SLC14A2: variants seen among roughly 807,000 people sequenced by gnomAD.
SLC14A2 encodes solute carrier family 14 member 2.
A neutral mutation model predicts 104.6 loss-of-function variants in SLC14A2; 91 were observed. The observed-to-expected ratio is 0.87, with a 90% CI of 0.73 to 1.04. The LOEUF is 1.04. Ranked by LOEUF, SLC14A2 falls within the 50% of genes least tolerant of loss-of-function variation. SLC14A2 has a pLI of 0.00. For synonymous variants in SLC14A2, 476 were observed against 466.4 expected (o/e 1.02, Z -0.27); for missense variants, 1,189 against 1,156.0 (o/e 1.03, Z -0.41).
Position 45,682,635 on chromosome 18 carries a change from A to C in SLC14A2, c.*116A>C. 1 of 801,770 alleles carries C rather than the reference A, an allele frequency of 1.2e-6. No individual in the cohort carries two copies. The highest frequency in any genetic ancestry group is 2.2e-6 in the Non-Finnish European group (1 of 463,260). The allele number at this position is 801,770 out of a possible 1,614,324, so 49.7% of individuals were successfully genotyped here. On this transcript the variant is annotated 3_prime_UTR_variant, in exon 20 of 20. Coordinates refer to ENST00000255226, the MANE Select transcript of SLC14A2 (RefSeq NM_007163.4). ...GTCTGTTCTGTGACTCTCTCCCCAA[A>C]CACAAAGAAGCGTGTATGTAGTCAC...
intron 1 of SLC14A2, among the ~76,000 whole-genome samples, chr18:45,412,913 G>T (rs2086229716): frequency 6.6e-6 from 1 of 152,144 alleles, no homozygotes; most frequent in South Asian, 2.1e-4. Flanking sequence ...GCAAGAATTT[G>T]GGACAAGTGT....
intron 1 of SLC14A2, among the ~76,000 whole-genome samples, chr18:45,389,344 C>A (rs2085935465): frequency 6.6e-6 from 1 of 152,202 alleles, no homozygotes; most frequent in African/African-American, 2.4e-5. Context: ...CCATCTACAT[C>A]ATTTTTGGAG....
intron 2 of SLC14A2, among the ~76,000 whole-genome samples, chr18:45,542,063 T>G (rs745798521): frequency 0.013 from 1,782 of 140,566 alleles, 61 homozygotes; most frequent in South Asian, 0.061. Flanking sequence ...TTTTTTTTTT[T>G]TTTTTTTTTG....
intron 4 of SLC14A2, among the ~76,000 whole-genome samples, chr18:45,628,611 AT>A (rs1273330857): frequency 6.6e-6 from 1 of 152,088 alleles, no homozygotes. Context: ...ATTATCCCCT[AT>A]CTTAGTGTTT....
At chr18:45,523,885 C>T (rs1205789455) in intron 2 of SLC14A2, among the ~76,000 whole-genome samples, 1 of 152,174 alleles carries the variant, frequency 6.6e-6, no homozygotes, top group South Asian at 2.1e-4. Context: ...CTGTTTAACC[C>T]TCACATCTGT....
At chr18:45,369,663 C>T (rs571610928) in intron 1 of SLC14A2, among the ~76,000 whole-genome samples, 1 of 152,288 alleles carries the variant, frequency 6.6e-6, no homozygotes, top group East Asian at 1.9e-4. Flanking sequence ...TGTATTTGCT[C>T]ATGTGTGTGT....
At chr18:45,676,995 A>C (rs543390909) in intron 18 of SLC14A2, among the ~76,000 whole-genome samples, 26 of 152,338 alleles carry the variant, frequency 1.7e-4, no homozygotes, top group Middle Eastern at 3.4e-3. Flanking sequence ...GTGATGGATA[A>C]GACAGGCCAG....
chr18:45,515,752 C>G (rs768076101), intron 2 of SLC14A2, among the ~76,000 whole-genome samples: 11 of 152,210 alleles, frequency 7.2e-5, no homozygotes, highest in Non-Finnish European at 1.0e-4. Flanking sequence ...CAGGCCTGGG[C>G]AAAGGAACGA....
chr18:45,228,836 C>T (rs1292515224), intron 1 of SLC14A2, among the ~76,000 whole-genome samples: 1 of 152,160 alleles, frequency 6.6e-6, no homozygotes, highest in African/African-American at 2.4e-5. Context: ...CTTTGGGAGG[C>T]TCCAGTGCAT....
intron 1 of SLC14A2, among the ~76,000 whole-genome samples, chr18:45,441,989 G>A (rs1446131315): frequency 1.3e-5 from 2 of 152,168 alleles, no homozygotes. Context: ...AGTGTGACCT[G>A]GGAGAACTGG....
chr18:45,492,462 G>T (rs1400436537), intron 2 of SLC14A2, among the ~76,000 whole-genome samples: 2 of 152,050 alleles, frequency 1.3e-5, no homozygotes, highest in African/African-American at 4.8e-5. Flanking sequence ...GTAAGTGCAG[G>T]GAAAACTACC....
intron 1 of SLC14A2, among the ~76,000 whole-genome samples, chr18:45,470,017 C>G (rs10153370): frequency 0.035 from 5,310 of 152,248 alleles, 306 homozygotes; most frequent in African/African-American, 0.12. Flanking sequence ...TAATGTGACT[C>G]TAAAAGTATT....
intron 2 of SLC14A2, chr18:45,528,970 A>G (rs1349828295): frequency 6.6e-6 from 1 of 152,246 alleles, no homozygotes; most frequent in East Asian, 1.9e-4. Flanking sequence ...GCGGCTATAA[A>G]GAAGCATAGG....
intron 2 of SLC14A2, among the ~76,000 whole-genome samples, chr18:45,569,829 G>A (rs752331480): frequency 2.0e-5 from 3 of 152,068 alleles, no homozygotes; most frequent in Non-Finnish European, 4.4e-5. Context: ...TCCAGCCATC[G>A]ACCAACCAGC....
intron 2 of SLC14A2, among the ~76,000 whole-genome samples, chr18:45,567,068 G>GTT (rs1555707150): frequency 7.7e-6 from 1 of 129,896 alleles, no homozygotes; most frequent in Non-Finnish European, 1.5e-5. Context: ...GTGTGTGTGT[G>GTT]TGTGTGTGTG....
intron 1 of SLC14A2, among the ~76,000 whole-genome samples, chr18:45,411,957 A>G (rs2086219930): frequency 3.3e-5 from 5 of 152,172 alleles, no homozygotes; most frequent in Admixed American, 2.0e-4. Flanking sequence ...CTCCATGAAC[A>G]CATGCACTCC....
At chr18:45,488,533 G>T (rs1401655117) in intron 2 of SLC14A2, among the ~76,000 whole-genome samples, 2 of 152,194 alleles carry the variant, frequency 1.3e-5, no homozygotes, top group Non-Finnish European at 2.9e-5. Context: ...TGAGGAAAGG[G>T]TAAGAACTTA....
intron 4 of SLC14A2, among the ~76,000 whole-genome samples, chr18:45,627,871 A>G (rs2045283683): frequency 6.6e-6 from 1 of 151,900 alleles, no homozygotes; most frequent in East Asian, 1.9e-4. Context: ...TCAGCTGTGC[A>G]TGGTCGTGCA....
chr18:45,220,799 T>C (rs929293686), intron 1 of SLC14A2, among the ~76,000 whole-genome samples: 2 of 152,198 alleles, frequency 1.3e-5, no homozygotes, highest in Non-Finnish European at 2.9e-5. Context: ...CAGAAATTTA[T>C]TTTCTTGTGG....
Sources: allele counts gnomAD v4.1 joint callset (sites outside exome capture counted in the v4.1 genomes callset), GRCh38; gene constraint gnomAD v4.1.1; transcripts MANE v1.5; gene names NCBI Gene and HGNC (gene_info 2026-07-23, HGNC 2026-07-21).